Variants in PCNX1 observed in about 807,000 individuals in gnomAD.
PCNX1 encodes pecanex-like protein 1.
Under a neutral mutation model 242.2 loss-of-function variants are expected in PCNX1, and 78 were observed. The ratio of observed to expected loss-of-function variants is 0.32; its 90% CI spans 0.27 to 0.39. The LOEUF is 0.39. PCNX1 is among the 10% of genes least tolerant of loss of function. PCNX1 has a pLI of 1.00. For synonymous variants in PCNX1, 1,024 were observed against 1,032.9 expected, an observed-to-expected ratio of 0.99 and a Z score of 0.17; for missense variants, 2,581 against 2,856.5, an observed-to-expected ratio of 0.90 and a Z score of 2.20.
chr14:71,006,626 A>G (rs1235838658), intron 8 of PCNX1, among the ~76,000 whole-genome samples: 2 of 152,218 alleles, frequency 1.3e-5, no homozygotes, highest in Non-Finnish European at 1.5e-5. Flanking sequence ...TTTACTTCAG[A>G]TCTAAAGTTT....
Position 70,977,223 on chromosome 14 carries a change from AC to A in PCNX1, c.887del (p.Thr296IlefsTer3). On this transcript the variant is annotated frameshift_variant, in exon 6 of 36. Transcript: ENST00000304743. LOFTEE classifies it high-confidence loss of function. The stretch of plus-strand genomic sequence containing the variant: ...TAGCTCTGCTGTGGCTTTTCCAGAC[AC>A]TTCACTGAATGATTTTCCCCTTTAT... ...TSSSAVAFPDTSLNDFPLYQQ... is the reference protein window; with the variant it reads ...TSSSAVAFPDXSLNDFPLYQQ... 6.2e-7 allele frequency: 1 copy of A among 1,614,172 alleles called. No individual in the cohort carries two copies. Among genetic ancestry groups the A allele is most frequent in the Non-Finnish European group, 8.5e-7 (1 of 1,180,026 alleles).
chr14:70,977,069 T>C lies in PCNX1; in HGVS notation c.732T>C (p.Ser244=). ...RDFSDKVNLP[S]HNHHHHVDQS... ...TCAGTGACAAAGTGAACCTGCCAAG[T>C]CATAACCACCACCACCATGTTGATC... Residue 244 remains serine (S), a synonymous_variant, in exon 6 of 36, where the codon AGT becomes AGC. Transcript: ENST00000304743. 3 of 1,614,160 alleles carry C rather than the reference T, an allele frequency of 1.9e-6. No individual in the cohort carries two copies. Among genetic ancestry groups the C allele is most frequent in the Non-Finnish European group, 2.5e-6 (3 of 1,180,026 alleles).
chr14:71,097,053 C>G (rs2062307510), intron 30 of PCNX1, among the ~76,000 whole-genome samples: 1 of 152,150 alleles, frequency 6.6e-6, no homozygotes, highest in African/African-American at 2.4e-5. Context: ...AAAGGCAATT[C>G]CTAGAAGAGA....
At chr14:70,931,162 G>A (rs1487479550) in intron 1 of PCNX1, among the ~76,000 whole-genome samples, 1 of 152,030 alleles carries the variant, frequency 6.6e-6, no homozygotes. Context: ...GAACTGAATT[G>A]CAAACACTGC....
chr14:70,913,265 T>C (rs1280602687), intron 1 of PCNX1, among the ~76,000 whole-genome samples: 1 of 152,190 alleles, frequency 6.6e-6, no homozygotes, highest in Non-Finnish European at 1.5e-5. Flanking sequence ...TTTTTAGACT[T>C]GTTAACTGAT....
chr14:71,049,625 C>T (rs1422674427), intron 22 of PCNX1, among the ~76,000 whole-genome samples: 2 of 152,128 alleles, frequency 1.3e-5, no homozygotes, highest in African/African-American at 4.8e-5. Context: ...ATACATGCTG[C>T]TTTTACTTAC....
chr14:71,082,456 T>C (rs534407948), intron 28 of PCNX1, among the ~76,000 whole-genome samples: 2 of 152,284 alleles, frequency 1.3e-5, no homozygotes, highest in South Asian at 4.2e-4. Context: ...CAGTGGGGTG[T>C]TAAAATCTCC....
intron 6 of PCNX1, among the ~76,000 whole-genome samples, chr14:70,980,522 T>C (rs747525229): frequency 3.9e-5 from 6 of 152,180 alleles, no homozygotes; most frequent in Non-Finnish European, 8.8e-5. Context: ...TTGAGCTTCA[T>C]TGGGTTTAGA....
intron 19 of PCNX1, among the ~76,000 whole-genome samples, chr14:71,039,620 C>T (rs1178898617): frequency 1.3e-5 from 2 of 152,182 alleles, no homozygotes; most frequent in Non-Finnish European, 2.9e-5. Context: ...AGAGAATATA[C>T]TCAAGTACAA....
At chr14:71,000,432 C>T (rs770447170) in intron 8 of PCNX1, among the ~76,000 whole-genome samples, 3 of 151,990 alleles carry the variant, frequency 2.0e-5, no homozygotes, top group Non-Finnish European at 2.9e-5. Flanking sequence ...GAGTTAGGAT[C>T]ATGTCGTGAC....
rs2062517904 is a variant in PCNX1, at chr14:71,103,462, G to A, written c.5888G>A (p.Arg1963His). 1.9e-6 allele frequency: 3 copies of A among 1,614,014 alleles called. No homozygotes were observed. Among genetic ancestry groups the A allele is most frequent in the Admixed American group, 1.7e-5 (1 of 59,996 alleles). ...QQQELVFLRN[R>H]NPERGSIQNA... The stretch of plus-strand genomic sequence containing the variant: ...CAGGAGCTTGTTTTTCTACGTAACC[G>A]TAACCCAGAGAGAGGTAGCATCCAA... Residue 1963 changes from arginine to histidine, a missense_variant, in exon 32 of 36, where the codon CGT (arginine) becomes CAT (histidine). By Grantham distance (29) the Arg-to-His change is conservative. Around this residue, in one of 9 missense-constraint regions of PCNX1, gnomAD observed 298 missense variants for 480.1 expected, o/e 0.62. Transcript: ENST00000304743.
chr14:70,993,166 G>C (rs74327660), intron 7 of PCNX1, among the ~76,000 whole-genome samples: 1 of 150,798 alleles, frequency 6.6e-6, no homozygotes, highest in African/African-American at 2.4e-5. Flanking sequence ...TGTTGCCCAG[G>C]CTGGAGTGCA....
At chr14:70,993,720 C>T (rs886746575) in intron 7 of PCNX1, among the ~76,000 whole-genome samples, 4 of 152,184 alleles carry the variant, frequency 2.6e-5, no homozygotes, top group Admixed American at 2.0e-4. Flanking sequence ...TTGTTGAGTA[C>T]GTATTTTGTA....
intron 19 of PCNX1, among the ~76,000 whole-genome samples, chr14:71,038,385 A>C (rs1433833724): frequency 3.5e-5 from 5 of 141,256 alleles, no homozygotes; most frequent in African/African-American, 1.1e-4. Context: ...CAAGAAAAAA[A>C]CAAACAACCC....
chr14:70,946,927 A>G lies in PCNX1; in HGVS notation c.166A>G (p.Thr56Ala), dbSNP rs1218768818. Reference sequence around the variant, plus strand: ...CTTTCTCTTAAAGGCCCTTCCTTCTACCATGATTATAGTAGCAGTTTATTG... The same window carrying G: ...CTTTCTCTTAAAGGCCCTTCCTTCTGCCATGATTATAGTAGCAGTTTATTG... ...PFTLYMALPS[T>A]MIIVAVYCPV... The change falls in exon 2 of 36, where the codon ACC (threonine) becomes GCC (alanine). Residue 56 changes from threonine (T) to alanine (A), a missense_variant. Thr to Ala is a moderately conservative substitution (Grantham distance 58). Coordinates refer to ENST00000304743, the MANE Select transcript of PCNX1 (RefSeq NM_014982.3). 1.2e-6 allele frequency: 2 copies of G among 1,610,444 alleles called. No homozygotes were observed. Among genetic ancestry groups the G allele is most frequent in the Admixed American group, 1.7e-5 (1 of 60,006 alleles).
At chr14:70,974,075 T>C (rs901764487) in intron 5 of PCNX1, among the ~76,000 whole-genome samples, 2 of 151,976 alleles carry the variant, frequency 1.3e-5, no homozygotes, top group African/African-American at 2.4e-5. Flanking sequence ...TTTTTTTTTT[T>C]TTAATGTGTC....
chr14:71,113,853 G>A lies in PCNX1; in HGVS notation c.*3918G>A, dbSNP rs1013687611. Reference sequence around the variant, plus strand: ...GAATATGGACAAAGCCTTTTCTGGGGTGTGTGTGTGTGTGTATGTTTGTTT... The same window carrying A: ...GAATATGGACAAAGCCTTTTCTGGGATGTGTGTGTGTGTGTATGTTTGTTT... On this transcript the variant is annotated 3_prime_UTR_variant, in exon 36 of 36. Transcript: ENST00000304743. 2.6e-5 allele frequency: 4 copies of A among 151,040 alleles called. No homozygotes were observed. Among genetic ancestry groups the A allele is most frequent in the African/African-American group, 4.9e-5 (2 of 41,070 alleles). The allele number at this position is 151,040 out of a possible 1,614,324, so 9.4% of individuals were successfully genotyped here.
At chr14:71,089,425 G>A (rs978494089) in intron 30 of PCNX1, 83 bp downstream of exon 30, 14 of 1,031,874 alleles carry the variant, frequency 1.4e-5, no homozygotes, top group Middle Eastern at 2.6e-4. Flanking sequence ...CCATTCTCAC[G>A]CTGCTGTAAG....
chr14:70,933,523 G>A lies in PCNX1; in HGVS notation c.154-13392G>A, dbSNP rs1018263081. On this transcript the variant is annotated intron_variant, in intron 1 of 35. Coordinates refer to ENST00000304743, the MANE Select transcript of PCNX1 (RefSeq NM_014982.3). ...ATAAATGAGGTTTTATTGGAACATAGCATGTTTATTTGTTTATATATCTAT... is the reference window on the plus strand; with the variant it reads ...ATAAATGAGGTTTTATTGGAACATAACATGTTTATTTGTTTATATATCTAT... Among the ~76,000 whole-genome samples the A allele has an allele frequency of 9.8e-5, 15 of 152,310 alleles. No individual in the cohort carries two copies. The East Asian group carries it at 2.5e-3, about 25-fold the overall frequency.
Sources: allele counts gnomAD v4.1 joint callset (sites outside exome capture counted in the v4.1 genomes callset), GRCh38; gene constraint gnomAD v4.1.1; regional missense constraint gnomAD v4.1.1; transcripts MANE v1.5; gene names NCBI Gene and HGNC (gene_info 2026-07-23, HGNC 2026-07-21).